SEMA6D: variants seen among roughly 807,000 people sequenced by gnomAD.
SEMA6D encodes the protein semaphorin-6D.
In SEMA6D, 35 loss-of-function variants were observed where a neutral mutation model predicts 106.6. That is an observed-to-expected ratio of 0.33 (90% CI 0.25 to 0.44). The LOEUF is 0.44. Among genes scored for constraint, SEMA6D ranks in the 20% least tolerant of loss-of-function variants. The probability of loss-of-function intolerance (pLI) is 1.00; values close to 1 mark genes in which losing one functional copy is unlikely to be tolerated. For synonymous variants in SEMA6D, 499 were observed against 487.7 expected, an observed-to-expected ratio of 1.02 and a Z score of -0.31; for missense variants, 1,185 against 1,345.9, an observed-to-expected ratio of 0.88 and a Z score of 1.87.
chr15:47,748,231 T>C (rs1027353915), intron 1 of SEMA6D, among the ~76,000 whole-genome samples: 6 of 152,214 alleles, frequency 3.9e-5, no homozygotes, highest in African/African-American at 1.4e-4. Flanking sequence ...AGGAGAATGA[T>C]GGTAGACTCA....
chr15:47,354,342 G>GA (rs1310179653), intron 1 of SEMA6D, among the ~76,000 whole-genome samples: 7 of 146,066 alleles, frequency 4.8e-5, no homozygotes, highest in African/African-American at 1.8e-4. Context: ...TATATGGAAT[G>GA]AAAGAGCTTA....
chr15:47,731,992 G>A (rs1214867578), intron 1 of SEMA6D, among the ~76,000 whole-genome samples: 2 of 152,054 alleles, frequency 1.3e-5, no homozygotes, highest in Non-Finnish European at 2.9e-5. Context: ...TGAGAAATTG[G>A]GTATATCACT....
intron 1 of SEMA6D, among the ~76,000 whole-genome samples, chr15:47,204,978 AC>A (rs1894960950): frequency 6.6e-6 from 1 of 152,152 alleles, no homozygotes; most frequent in Non-Finnish European, 1.5e-5. Flanking sequence ...TTTATTTAGC[AC>A]CTACTATGCT....
At chr15:47,721,826 C>G (rs1253322920) in intron 1 of SEMA6D, among the ~76,000 whole-genome samples, 1 of 152,042 alleles carries the variant, frequency 6.6e-6, no homozygotes, top group African/African-American at 2.4e-5. Context: ...TTTTAACAAC[C>G]CTGAAGTGAA....
intron 1 of SEMA6D, among the ~76,000 whole-genome samples, chr15:47,752,547 G>T (rs2081498369): frequency 6.6e-6 from 1 of 152,160 alleles, no homozygotes; most frequent in Admixed American, 6.5e-5. Flanking sequence ...GCTACAGGAG[G>T]TATTTTCCTT....
Position 47,476,492 on chromosome 15 carries a change from A to G in SEMA6D, c.-87+5947A>G, listed in dbSNP as rs561829605. ...GCTTAGAAACAGCTTAGAATTATGTACTATTTCTTCCACTAATGGTGGAGC... is the reference window on the plus strand; with the variant it reads ...GCTTAGAAACAGCTTAGAATTATGTGCTATTTCTTCCACTAATGGTGGAGC... On this transcript the variant is annotated intron_variant, in intron 3 of 19. Coordinates refer to the SEMA6D transcript ENST00000558014. 7.9e-5 allele frequency among the ~76,000 whole-genome samples: 12 copies of G among 152,316 alleles called. No homozygotes were observed. The South Asian group carries it at 1.9e-3, about 24-fold the overall frequency.
intron 4 of SEMA6D, among the ~76,000 whole-genome samples, chr15:47,641,753 C>A (rs1174453217): frequency 6.6e-6 from 1 of 152,154 alleles, no homozygotes; most frequent in East Asian, 1.9e-4. Flanking sequence ...TTAGTTCCTC[C>A]CAATCATAGG....
chr15:47,668,118 G>A (rs181423966), intron 4 of SEMA6D, among the ~76,000 whole-genome samples: 26 of 152,282 alleles, frequency 1.7e-4, no homozygotes, highest in Admixed American at 1.7e-3. Flanking sequence ...TACAACTGTG[G>A]TGTGTCTCTT....
chr15:47,245,814 G>A (rs2033163649), intron 1 of SEMA6D, among the ~76,000 whole-genome samples: 1 of 152,094 alleles, frequency 6.6e-6, no homozygotes, highest in African/African-American at 2.4e-5. Flanking sequence ...CTAAGCATAA[G>A]AAATTGCAAA....
At chr15:47,293,246 G>T (rs2035664667) in intron 1 of SEMA6D, among the ~76,000 whole-genome samples, 2 of 152,144 alleles carry the variant, frequency 1.3e-5, no homozygotes, top group South Asian at 4.1e-4. Context: ...GGCTCTGGGT[G>T]TATCTTGCTT....
At chr15:47,256,453 TTTGGA>T in intron 1 of SEMA6D, among the ~76,000 whole-genome samples, 1 of 152,340 alleles carries the variant, frequency 6.6e-6, no homozygotes, top group South Asian at 2.1e-4. Context: ...CTATATATTC[TTTGGA>T]GCAGTTACAA....
chr15:47,564,067 G>C (rs747021412), intron 3 of SEMA6D, among the ~76,000 whole-genome samples: 1 of 152,162 alleles, frequency 6.6e-6, no homozygotes, highest in African/African-American at 2.4e-5. Flanking sequence ...CTGACCCTAC[G>C]TCAATGACAT....
intron 3 of SEMA6D, among the ~76,000 whole-genome samples, chr15:47,577,207 TCTCCTTTTCCC>T (rs2076170725): frequency 6.6e-6 from 1 of 152,258 alleles, no homozygotes; most frequent in Non-Finnish European, 1.5e-5. Context: ...CATAATTTTC[TCTCCTTTTCCC>T]CTGATATTTT....
rs759195643 is a variant in SEMA6D, at chr15:47,771,724, C to G, written c.3161C>G (p.Pro1054Arg). 3.7e-6 allele frequency: 6 copies of G among 1,614,044 alleles called. No homozygotes were observed. The highest frequency in any genetic ancestry group is 5.1e-6 in the Non-Finnish European group (6 of 1,179,962). ...CCGTCCTTAAAACCTGACGTGCCACCAAAGCCTTCCTTTGTTCCTCAAACC... is the reference window on the plus strand; with the variant it reads ...CCGTCCTTAAAACCTGACGTGCCACGAAAGCCTTCCTTTGTTCCTCAAACC... The part of the protein sequence containing the change: ...RTPSLKPDVP[P>R]KPSFVPQTPS... Residue 1054 changes from proline (P) to arginine (R), a missense_variant, in exon 19 of 19, where the codon CCA (proline) becomes CGA (arginine). Pro to Arg is a moderately radical substitution (Grantham distance 103). Transcript: ENST00000536845.
intron 4 of SEMA6D, among the ~76,000 whole-genome samples, chr15:47,697,014 A>T (rs1004144879): frequency 6.6e-6 from 1 of 152,170 alleles, no homozygotes; most frequent in Non-Finnish European, 1.5e-5. Context: ...CCTCTACTGC[A>T]ATGGGATCAG....
chr15:47,621,359 C>G lies in SEMA6D; in HGVS notation c.-55+20463C>G, dbSNP rs372387998. Among the ~76,000 whole-genome samples, 4 of 152,124 alleles carry G rather than the reference C, an allele frequency of 2.6e-5. No individual in the cohort carries two copies. The East Asian group carries it at 7.7e-4, about 29-fold the overall frequency. On this transcript the variant is annotated intron_variant, in intron 4 of 19. Transcript: ENST00000558014. Reference sequence around the variant, plus strand: ...CGTAGGAGTTATAAGCACTGTATGTCCAAACTCTTCCCCCAGGACAGATTT... The same window carrying G: ...CGTAGGAGTTATAAGCACTGTATGTGCAAACTCTTCCCCCAGGACAGATTT...
At chr15:47,697,373 T>C (rs1469920893) in intron 4 of SEMA6D, among the ~76,000 whole-genome samples, 1 of 152,170 alleles carries the variant, frequency 6.6e-6, no homozygotes, top group Non-Finnish European at 1.5e-5. Flanking sequence ...CTTGATTTCC[T>C]CTCTGAACTC....
At chr15:47,198,533 G>C (rs1285313575) in intron 1 of SEMA6D, among the ~76,000 whole-genome samples, 1 of 152,052 alleles carries the variant, frequency 6.6e-6, no homozygotes, top group African/African-American at 2.4e-5. Context: ...AAGTGGATTA[G>C]GTGAAAACAA....
intron 1 of SEMA6D, among the ~76,000 whole-genome samples, chr15:47,742,161 C>T (rs1369195670): frequency 1.3e-5 from 2 of 152,170 alleles, no homozygotes; most frequent in Non-Finnish European, 2.9e-5. Context: ...AAAGTGTAAA[C>T]GATGTCAGTA....
Sources: gnomAD v4.1 joint callset for allele counts (sites outside exome capture counted in the v4.1 genomes callset) on GRCh38, gnomAD v4.1.1 for gene constraint, MANE v1.5 for transcripts, NCBI Gene and HGNC (gene_info 2026-07-23, HGNC 2026-07-21) for gene names.